SLC12A9: variants seen among roughly 807,000 people sequenced by gnomAD.
SLC12A9 encodes the protein CCC-interacting protein 1.
Under a neutral mutation model 66.0 loss-of-function variants are expected in SLC12A9, and 55 were observed. That is an observed-to-expected ratio of 0.83 (90% confidence interval 0.67 to 1.04). SLC12A9 has a LOEUF of 1.04. Among genes scored for constraint, SLC12A9 ranks in the 50% least tolerant of loss-of-function variants. The pLI is 0.00. For missense variants in SLC12A9, 1,061 were observed against 1,241.9 expected (o/e 0.85, Z 2.19); for synonymous variants, 577 against 569.0 (o/e 1.01, Z -0.20).
At chr7:100,862,209 G>C (rs576214317) in intron 12 of SLC12A9, among the ~76,000 whole-genome samples, 2 of 151,954 alleles carry the variant, frequency 1.3e-5, no homozygotes, top group African/African-American at 4.8e-5. Context: ...CGCCCATCTC[G>C]GCCTCCCAAA....
intron 1 of SLC12A9, among the ~76,000 whole-genome samples, chr7:100,844,727 C>T (rs1292656301): frequency 2.0e-5 from 3 of 152,084 alleles, no homozygotes; most frequent in Admixed American, 6.6e-5. Context: ...CCTTGATCCT[C>T]GCTAGAAAAA....
At chr7:100,857,512 T>G in intron 5 of SLC12A9, 1 of 260,848 alleles carries the variant, frequency 3.8e-6, no homozygotes, top group Non-Finnish European at 7.4e-6. Flanking sequence ...GGCCTGACTA[T>G]GGGCTGGGGA....
At chr7:100,864,500 G>A (rs372134673) in intron 13 of SLC12A9, among the ~76,000 whole-genome samples, 1 of 152,108 alleles carries the variant, frequency 6.6e-6, no homozygotes, top group Non-Finnish European at 1.5e-5. Context: ...TCATGAGAAG[G>A]GGTCTTGGAA....
intron 6 of SLC12A9, 31 bp downstream of exon 6, chr7:100,858,973 G>A (rs314373): frequency 0.17 from 278,037 of 1,612,960 alleles, 25,840 homozygotes; most frequent in Middle Eastern, 0.2. Context: ...CCTCCTGGGG[G>A]TTTGGGGCTG....
At chr7:100,850,382 C>T (rs1814039119), upstream of SLC12A9, among the ~76,000 whole-genome samples, 2 of 151,704 alleles carry the variant, frequency 1.3e-5, no homozygotes, top group Admixed American at 6.6e-5. Flanking sequence ...GCTGGGACTA[C>T]AGGTATGGGC....
chr7:100,827,529 G>T (rs1020224569), intron 1 of SLC12A9: 33 of 151,874 alleles, frequency 2.2e-4, no homozygotes, highest in African/African-American at 7.5e-4. Context: ...GAACTGGGCC[G>T]GGCGGCGCCG....
At chr7:100,827,099 C>A in intron 1 of SLC12A9, 3 of 1,505,178 alleles carry the variant, frequency 2.0e-6, no homozygotes, top group Non-Finnish European at 2.7e-6. Flanking sequence ...GTCTGACTCT[C>A]CCTGGGCGGG....
chr7:100,865,641 AGT>A (rs891933365), intron 13 of SLC12A9, 76 bp from the exon 14 acceptor site: 4 of 1,555,312 alleles, frequency 2.6e-6, no homozygotes, highest in African/African-American at 2.7e-5. Flanking sequence ...CCTTGCTGTC[AGT>A]GTGTGGGAGC....
chr7:100,845,071 C>A (rs964048713), intron 1 of SLC12A9, among the ~76,000 whole-genome samples: 1 of 151,940 alleles, frequency 6.6e-6, no homozygotes, highest in Non-Finnish European at 1.5e-5. Flanking sequence ...CTGATCACTT[C>A]TAGGTCCTAA....
intron 13 of SLC12A9, among the ~76,000 whole-genome samples, 176 bp downstream of exon 13, chr7:100,863,003 T>C (rs2116641702): frequency 1.3e-5 from 2 of 151,946 alleles, no homozygotes; most frequent in Admixed American, 1.3e-4. Context: ...TAAGGTCTAA[T>C]AGGAGATGCT....
chr7:100,860,120 A>T (rs1291634441), intron 8 of SLC12A9, 30 bp from the exon 9 acceptor site: 2 of 1,614,040 alleles, frequency 1.2e-6, no homozygotes, highest in Non-Finnish European at 1.7e-6. Context: ...GCCCTGGCTG[A>T]TGTGTCTGCT....
At chr7:100,828,243 A>G (rs894560098) in intron 1 of SLC12A9, among the ~76,000 whole-genome samples, 3 of 152,186 alleles carry the variant, frequency 2.0e-5, no homozygotes, top group African/African-American at 7.2e-5. Context: ...ACAACGGTAA[A>G]GAAAAGGTGG....
Position 100,858,921 on chromosome 7 carries a change from A to G in SLC12A9, c.844A>G (p.Met282Val). ...CCTCTTTAACGGCTGTACAGGCATC[A>G]TGGCTGGGGCCAACATGTCAGGTGA... ...AVLFNGCTGIMAGANMSGELK... is the reference protein window; with the variant it reads ...AVLFNGCTGIVAGANMSGELK... Residue 282 changes from methionine (M) to valine (V), a missense_variant, in exon 6 of 14, where the codon ATG becomes GTG. By Grantham distance (21) the Met-to-Val change is conservative. Transcript: ENST00000354161. The G allele has an allele frequency of 6.2e-7, 1 of 1,614,094 alleles. No homozygotes were observed.
chr7:100,833,226 G>C (rs919351275), intron 1 of SLC12A9, among the ~76,000 whole-genome samples: 16 of 152,146 alleles, frequency 1.1e-4, no homozygotes, highest in African/African-American at 3.9e-4. Context: ...GCTCACACCT[G>C]TAATCTTAGC....
chr7:100,835,545 G>A (rs1244603358), intron 1 of SLC12A9, among the ~76,000 whole-genome samples: 1 of 151,572 alleles, frequency 6.6e-6, no homozygotes, highest in Non-Finnish European at 1.5e-5. Flanking sequence ...AGCTACTTGG[G>A]AGGCTGAGGC....
rs1321723680 is a variant in SLC12A9 at position 100,856,850 on chromosome 7, G to A, written c.449-18G>A. ...CCTTAGGATCGGGCCTTCTAACTCT[G>A]TCCCTACCTCTCTCCAGATGCCACA... is the stretch of plus-strand genomic sequence containing the variant. On this transcript the variant is annotated intron_variant, in intron 4 of 13. Coordinates refer to ENST00000354161, the MANE Select transcript of SLC12A9 (RefSeq NM_020246.4). The A allele has an allele frequency of 9.6e-6, 15 of 1,567,244 alleles. No homozygotes were observed. Among genetic ancestry groups the A allele is most frequent in the Non-Finnish European group, 1.3e-5 (15 of 1,158,886 alleles).
chr7:100,849,324 A>G (rs1435279880), upstream of SLC12A9, among the ~76,000 whole-genome samples: 2 of 151,932 alleles, frequency 1.3e-5, no homozygotes, highest in East Asian at 1.9e-4. Context: ...AGCTCACTGC[A>G]CCCTCAACCT....
intron 13 of SLC12A9, among the ~76,000 whole-genome samples, chr7:100,863,062 CTTT>C (rs759001347): frequency 4.4e-5 from 6 of 136,504 alleles, no homozygotes; most frequent in Non-Finnish European, 3.2e-5. Flanking sequence ...TTTCCTTCTT[CTTT>C]TTTTTTTTTT....
At chr7:100,833,650 A>G (rs1246822797) in intron 1 of SLC12A9, among the ~76,000 whole-genome samples, 1 of 151,912 alleles carries the variant, frequency 6.6e-6, no homozygotes, top group Non-Finnish European at 1.5e-5. Context: ...CTAAAGAAAA[A>G]ATAGCTGGGT....
Sources: allele counts gnomAD v4.1 joint callset (sites outside exome capture counted in the v4.1 genomes callset), GRCh38; gene constraint gnomAD v4.1.1; transcripts MANE v1.5; gene names NCBI Gene and HGNC (gene_info 2026-07-23, HGNC 2026-07-21).